SORCS3: variants seen among roughly 807,000 people sequenced by gnomAD.
SORCS3 encodes sortilin related VPS10 domain containing receptor 3.
SORCS3 carries 57 observed loss-of-function variants against 146.3 expected under a neutral mutation model. The observed-to-expected ratio is 0.39, with a 90% confidence interval of 0.31 to 0.49. SORCS3 has a LOEUF of 0.49. Ranked by LOEUF, SORCS3 falls within the 20% of genes least tolerant of loss-of-function variation. The pLI is 0.92. For synonymous variants in SORCS3, 653 were observed against 618.5 expected, an observed-to-expected ratio of 1.06 and a Z score of -0.83; for missense variants, 1,341 against 1,575.5, an observed-to-expected ratio of 0.85 and a Z score of 2.52.
At chr10:105,262,537 A>G in intron 26 of SORCS3, 46 bp downstream of exon 26, 1 of 1,569,526 alleles carries the variant, frequency 6.4e-7, no homozygotes, top group Non-Finnish European at 8.7e-7. Context: ...GTGTCCTCTA[A>G]ACACTGGCCT....
At chr10:104,792,955 C>T (rs2017512196) in intron 1 of SORCS3, among the ~76,000 whole-genome samples, 1 of 152,114 alleles carries the variant, frequency 6.6e-6, no homozygotes, top group African/African-American at 2.4e-5. Context: ...AGTGGTCTCA[C>T]TGCACCAATA....
intron 1 of SORCS3, among the ~76,000 whole-genome samples, chr10:104,742,793 A>C (rs1430333455): frequency 1.3e-5 from 2 of 152,268 alleles, no homozygotes; most frequent in East Asian, 3.9e-4. Flanking sequence ...AGTGGTCCTA[A>C]ATCTATTGGA....
chr10:104,900,443 C>A (rs982021561), intron 2 of SORCS3, among the ~76,000 whole-genome samples: 29 of 152,188 alleles, frequency 1.9e-4, no homozygotes, highest in African/African-American at 7.0e-4. Context: ...ACCAAACCAT[C>A]ATATAAATCA....
At chr10:104,690,145 T>TAGCTGGGA (rs2016094988) in intron 1 of SORCS3, among the ~76,000 whole-genome samples, 1 of 152,228 alleles carries the variant, frequency 6.6e-6, no homozygotes, top group Non-Finnish European at 1.5e-5. Context: ...CCCTTGCCTG[T>TAGCTGGGA]AGCTGGGAAG....
chr10:104,687,070 C>G (rs2016053593), intron 1 of SORCS3, among the ~76,000 whole-genome samples: 1 of 152,056 alleles, frequency 6.6e-6, no homozygotes, highest in African/African-American at 2.4e-5. Flanking sequence ...TGCATCCATC[C>G]AGTCATCCAT....
chr10:104,971,242 C>A (rs1416050765), intron 3 of SORCS3, among the ~76,000 whole-genome samples: 1 of 152,162 alleles, frequency 6.6e-6, no homozygotes, highest in Non-Finnish European at 1.5e-5. Context: ...CGGTGTGAAA[C>A]ATGGATTGGA....
At chr10:105,054,493 A>T (rs949136106) in intron 5 of SORCS3, among the ~76,000 whole-genome samples, 1 of 151,868 alleles carries the variant, frequency 6.6e-6, no homozygotes, top group African/African-American at 2.4e-5. Context: ...TCATCTAGTG[A>T]CTATATAACA....
chr10:104,870,580 T>A (rs2018509125), intron 2 of SORCS3, among the ~76,000 whole-genome samples: 1 of 152,114 alleles, frequency 6.6e-6, no homozygotes. Context: ...GGATGATGGA[T>A]CAGGTTGCTT....
chr10:105,193,762 A>G (rs1281157618), intron 14 of SORCS3, among the ~76,000 whole-genome samples: 2 of 152,188 alleles, frequency 1.3e-5, no homozygotes, highest in African/African-American at 4.8e-5. Flanking sequence ...CAAGTCTTCT[A>G]TTTCCCTGCC....
chr10:104,969,911 A>T (rs2054849805), intron 3 of SORCS3, among the ~76,000 whole-genome samples: 1 of 152,206 alleles, frequency 6.6e-6, no homozygotes, highest in Non-Finnish European at 1.5e-5. Context: ...ATTGCACAAG[A>T]TATTCAATGG....
intron 4 of SORCS3, among the ~76,000 whole-genome samples, chr10:104,999,686 G>C (rs1057212206): frequency 6.6e-6 from 1 of 152,136 alleles, no homozygotes; most frequent in Non-Finnish European, 1.5e-5. Context: ...GAGGCAGAAG[G>C]GTTTATTCCC....
chr10:104,735,806 T>C (rs1473387159), intron 1 of SORCS3, among the ~76,000 whole-genome samples: 1 of 152,118 alleles, frequency 6.6e-6, no homozygotes, highest in Non-Finnish European at 1.5e-5. Context: ...GACTTAGGTT[T>C]CTTGGAACCG....
chr10:104,948,511 A>C (rs1379029897), intron 3 of SORCS3, among the ~76,000 whole-genome samples: 1 of 152,220 alleles, frequency 6.6e-6, no homozygotes, highest in Non-Finnish European at 1.5e-5. Context: ...CAAATGAATT[A>C]ATTTGATTCA....
At chr10:105,017,211 GT>G (rs917074873) in intron 4 of SORCS3, among the ~76,000 whole-genome samples, 2 of 152,102 alleles carry the variant, frequency 1.3e-5, no homozygotes, top group African/African-American at 4.8e-5. Flanking sequence ...TACAATTGGG[GT>G]TTGTAGCTGG....
chr10:105,262,460 G>A lies in SORCS3; in HGVS notation c.3573G>A (p.Leu1191=). Reference sequence around the variant, plus strand: ...GTGACTTTACGGAGCCTGAGGAGCTGCTGGACAAAGAGCTGGACACGCGGG... The same window carrying A: ...GTGACTTTACGGAGCCTGAGGAGCTACTGGACAAAGAGCTGGACACGCGGG... ...TLSDFTEPEE[L]LDKELDTRVI... is the part of the protein sequence containing the mutation. Residue 1191 remains leucine, a synonymous_variant, in exon 26 of 27, where the codon CTG becomes CTA. Coordinates refer to ENST00000369701, the MANE Select transcript of SORCS3 (RefSeq NM_014978.3). 1 of 1,613,962 alleles carries A rather than the reference G, an allele frequency of 6.2e-7. No homozygotes were observed. The highest frequency in any genetic ancestry group is 8.5e-7 in the Non-Finnish European group (1 of 1,179,924).
At chr10:104,646,002 C>T (rs1057448686) in intron 1 of SORCS3, among the ~76,000 whole-genome samples, 22 of 152,178 alleles carry the variant, frequency 1.4e-4, no homozygotes, top group African/African-American at 4.8e-4. Context: ...AGAAGCCATT[C>T]TTCAGGGTTT....
At chr10:104,751,800 T>C (rs1245815458) in intron 1 of SORCS3, among the ~76,000 whole-genome samples, 1 of 151,228 alleles carries the variant, frequency 6.6e-6, no homozygotes, top group Non-Finnish European at 1.5e-5. Context: ...GAAATGGAGG[T>C]GGCTCCTACC....
At chr10:105,215,051 T>G (rs2056657091) in intron 18 of SORCS3, among the ~76,000 whole-genome samples, 1 of 152,222 alleles carries the variant, frequency 6.6e-6, no homozygotes, top group African/African-American at 2.4e-5. Context: ...TCACAAGGCC[T>G]TAAAAGTAAG....
At chr10:104,791,054 G>A (rs2017490699) in intron 1 of SORCS3, among the ~76,000 whole-genome samples, 1 of 152,190 alleles carries the variant, frequency 6.6e-6, no homozygotes, top group Admixed American at 6.5e-5. Flanking sequence ...TGAATAAGTG[G>A]GGCTGGGAGA....
Sources: allele counts gnomAD v4.1 joint callset (sites outside exome capture counted in the v4.1 genomes callset), GRCh38; gene constraint gnomAD v4.1.1; transcripts MANE v1.5; gene names NCBI Gene and HGNC (gene_info 2026-07-23, HGNC 2026-07-21).